PARK7: variants seen among roughly 807,000 people sequenced by gnomAD.
PARK7 encodes Parkinsonism associated deglycase.
A neutral mutation model predicts 20.5 loss-of-function variants in PARK7; 14 were observed. That is an observed-to-expected ratio of 0.68 (90% CI 0.45 to 1.07). PARK7 has a LOEUF of 1.07. Among genes scored for constraint, PARK7 ranks in the 50% least tolerant of loss-of-function variants. The pLI, the probability that PARK7 is intolerant of heterozygous loss-of-function variation, is 0.00. For synonymous variants in PARK7, 98 were observed against 84.3 expected (o/e 1.16, Z -0.89); for missense variants, 234 against 238.1 (o/e 0.98, Z 0.11).
chr1:7,981,388 A>T (rs1408230044), intron 6 of PARK7, among the ~76,000 whole-genome samples: 1 of 152,224 alleles, frequency 6.6e-6, no homozygotes, highest in African/African-American at 2.4e-5. Flanking sequence ...GAGAGGTCAG[A>T]CAGCCACTAA....
Position 7,977,883 on chromosome 1 carries a change from C to G in PARK7, c.409+145C>G, listed in dbSNP as rs546423431. 4 of 697,454 alleles carry G rather than the reference C, an allele frequency of 5.7e-6. No homozygotes were observed. In the East Asian group the frequency reaches 1.1e-4, roughly 20 times the overall value. The allele number at this position is 697,454 out of a possible 1,614,324, so 43.2% of individuals were successfully genotyped here. ...CAAGCGATTCTTCTCTCTCAGCCTC[C>G]TGAGTAGCTGGGATTACAGGCGCAT... On this transcript the variant is annotated intron_variant, in intron 6 of 6. Coordinates refer to ENST00000338639, the MANE Select transcript of PARK7 (RefSeq NM_007262.5).
intron 3 of PARK7, 61 bp from the exon 4 acceptor site, chr1:7,969,284 C>G: frequency 7.4e-7 from 1 of 1,355,718 alleles, no homozygotes; most frequent in Non-Finnish European, 1.1e-6. Context: ...ATTGGACTGT[C>G]AATTTAATGC....
chr1:7,962,738 A>G, intron 1 of PARK7, 25 bp from the exon 2 acceptor site: 4 of 1,333,594 alleles, frequency 3.0e-6, no homozygotes, highest in Non-Finnish European at 2.1e-6. Context: ...GTTTTTTGAA[A>G]TCTTTTTTTT....
chr1:7,985,345 T>A lies in PARK7; in HGVS notation c.*291T>A. The A allele has an allele frequency of 2.4e-6, 1 of 414,336 alleles. No individual in the cohort carries two copies. Among genetic ancestry groups the A allele is most frequent in the Non-Finnish European group, 4.5e-6 (1 of 220,060 alleles). 25.7% of individuals were successfully genotyped at this position (414,336 alleles called of 1,614,324 possible). The stretch of plus-strand genomic sequence containing the variant: ...AAATTAAATTCCGTATCACCTTCAT[T>A]TGCAGCTCTTAACTGTCCATATGGC... On this transcript the variant is annotated 3_prime_UTR_variant, in exon 7 of 7. Coordinates refer to ENST00000338639, the MANE Select transcript of PARK7 (RefSeq NM_007262.5).
intron 5 of PARK7, among the ~76,000 whole-genome samples, chr1:7,976,320 T>C (rs1452301307): frequency 1.3e-5 from 2 of 152,166 alleles, no homozygotes; most frequent in Non-Finnish European, 2.9e-5. Flanking sequence ...TATGTGTGGC[T>C]TAGAGGAAAA....
rs550106950 is a variant in PARK7, at chr1:7,980,877, A to T, written c.409+3139A>T. Reference sequence around the variant, plus strand: ...CCATAGTCTTTTTTCTTTTTTTCTTATCTTTTTTTTGATAGATTCAGGGTC... The same window carrying T: ...CCATAGTCTTTTTTCTTTTTTTCTTTTCTTTTTTTTGATAGATTCAGGGTC... On this transcript the variant is annotated intron_variant, in intron 6 of 6. Transcript: ENST00000338639. 2.6e-5 allele frequency among the ~76,000 whole-genome samples: 4 copies of T among 151,690 alleles called. No individual in the cohort carries two copies. In the South Asian group the frequency reaches 6.2e-4, roughly 24 times the overall value.
At chr1:7,977,852 C>A (rs535563946) in intron 6 of PARK7, 114 bp downstream of exon 6, 17 of 835,046 alleles carry the variant, frequency 2.0e-5, no homozygotes, top group Non-Finnish European at 2.8e-5. Flanking sequence ...CCCTGCCTCC[C>A]GGGTTCAAGC....
At chr1:7,976,184 TA>T (rs34578842) in intron 5 of PARK7, among the ~76,000 whole-genome samples, 1 of 152,196 alleles carries the variant, frequency 6.6e-6, no homozygotes, top group Non-Finnish European at 1.5e-5. Context: ...TTGCTGACAC[TA>T]AAAGTGTACA....
intron 6 of PARK7, among the ~76,000 whole-genome samples, chr1:7,982,446 C>T (rs1413795684): frequency 1.3e-5 from 2 of 152,170 alleles, no homozygotes; most frequent in Non-Finnish European, 2.9e-5. Flanking sequence ...CAGTGCCTTC[C>T]TGGTGCTGAT....
At chr1:7,968,847 T>C (rs1443066371) in intron 3 of PARK7, among the ~76,000 whole-genome samples, 1 of 152,216 alleles carries the variant, frequency 6.6e-6, no homozygotes, top group East Asian at 1.9e-4. Flanking sequence ...AAGTTGTTCA[T>C]GTACATTCTT....
At chr1:7,968,749 T>C (rs1489177010) in intron 3 of PARK7, among the ~76,000 whole-genome samples, 2 of 152,178 alleles carry the variant, frequency 1.3e-5, no homozygotes, top group African/African-American at 4.8e-5. Flanking sequence ...ACTCCTGAGC[T>C]CAGGTAATCT....
At chr1:7,978,484 C>T (rs577724009) in intron 6 of PARK7, among the ~76,000 whole-genome samples, 4 of 151,646 alleles carry the variant, frequency 2.6e-5, no homozygotes, top group Non-Finnish European at 5.9e-5. Flanking sequence ...CCTCCGCCTC[C>T]CGGGTTCAAG....
chr1:7,969,015 G>T (rs555955798), intron 3 of PARK7: 121 of 231,362 alleles, frequency 5.2e-4, no homozygotes, highest in African/African-American at 2.6e-3. Flanking sequence ...GTGGGGTGGG[G>T]TGCTTGTGGT....
In PARK7 at chr1:7,984,567, T is replaced by C. The variant is rs1640779795; in HGVS notation, c.410-327T>C. ...TTCACCCTTCCCCGGCACTTCAGAA[T>C]TGACACTTGAGCTTTGTTGTAAATA... On this transcript the variant is annotated intron_variant, in intron 6 of 6. Transcript: ENST00000338639. This position sits in a 1 kb window ranked among gnomAD's most constrained non-coding sequence, Gnocchi z 4.3. 6.6e-6 allele frequency among the ~76,000 whole-genome samples: 1 copy of C among 152,218 alleles called. No homozygotes were observed. Among genetic ancestry groups the C allele is most frequent in the Non-Finnish European group, 1.5e-5 (1 of 68,040 alleles).
intron 2 of PARK7, 32 bp downstream of exon 2, chr1:7,962,907 GT>G (rs1640239970): frequency 6.6e-7 from 1 of 1,525,684 alleles, no homozygotes. Flanking sequence ...AGCCATTCCT[GT>G]TTTAAATGTT....
chr1:7,961,862 TGTCCCTGTGCTGGACG>T (rs1640209680), intron 1 of PARK7, 69 bp downstream of exon 1: 1 of 113,736 alleles, frequency 8.8e-6, no homozygotes. Flanking sequence ...TGCTGGACGG[TGTCCCTGTGCTGGACG>T]GTGTCCCGCT....
At chr1:7,977,547 A>G (rs538694918) in intron 5 of PARK7, 105 bp from the exon 6 acceptor site, 136 of 995,074 alleles carry the variant, frequency 1.4e-4, no homozygotes, top group Admixed American at 2.3e-4. Context: ...GGCCTCCCCA[A>G]TTGCTGGGAT....
rs1045034008 is a variant in PARK7, at chr1:7,966,944, G to A, written c.192+1519G>A. 2.0e-5 allele frequency among the ~76,000 whole-genome samples: 3 copies of A among 152,082 alleles called. 1 individual carries two copies. The highest frequency in any genetic ancestry group is 4.4e-5 in the Non-Finnish European group (3 of 68,016). ...GTTGGGAACGTTCAATATCCTCCTT[G>A]CTATTTGAAACTATATATGATTGTT... On this transcript the variant is annotated intron_variant, in intron 3 of 6. Transcript: ENST00000338639.
intron 3 of PARK7, among the ~76,000 whole-genome samples, chr1:7,966,666 T>G (rs529041065): frequency 1.3e-5 from 2 of 152,092 alleles, no homozygotes; most frequent in South Asian, 4.1e-4. Context: ...CAGTGAACTG[T>G]GATTGTGCCA....
Sources: gnomAD v4.1 joint callset for allele counts (sites outside exome capture counted in the v4.1 genomes callset) on GRCh38, gnomAD v4.1.1 for gene constraint, Gnocchi (gnomAD v3.1) non-coding constraint, MANE v1.5 for transcripts, NCBI Gene and HGNC (gene_info 2026-07-23, HGNC 2026-07-21) for gene names.